WWOX: variants seen among roughly 807,000 people sequenced by gnomAD.
The protein encoded by WWOX is WW domain containing oxidoreductase.
Under a neutral mutation model 46.2 loss-of-function variants are expected in WWOX, and 69 were observed. That is an observed-to-expected ratio of 1.49 (90% confidence interval 1.23 to 1.82). WWOX has a LOEUF of 1.82. WWOX is among the 40% of genes most tolerant of loss of function. WWOX has a pLI of 0.00. For synonymous variants in WWOX, 359 were observed against 202.6 expected, an observed-to-expected ratio of 1.77 and a Z score of -6.56; for missense variants, 919 against 542.6, an observed-to-expected ratio of 1.69 and a Z score of -6.89.
intron 8 of WWOX, among the ~76,000 whole-genome samples, chr16:79,168,452 C>T (rs1248542197): frequency 6.6e-6 from 1 of 152,108 alleles, no homozygotes; most frequent in Non-Finnish European, 1.5e-5. Flanking sequence ...ATAATCAACC[C>T]CCAGGGACTT....
intron 5 of WWOX, among the ~76,000 whole-genome samples, chr16:78,362,069 G>C (rs188195244): frequency 6.7e-6 from 1 of 149,270 alleles, no homozygotes; most frequent in Admixed American, 6.7e-5. Context: ...CTATTTTAAT[G>C]GGGTGATTTT....
chr16:79,112,550 C>A (rs73576947), intron 8 of WWOX, among the ~76,000 whole-genome samples: 1 of 152,120 alleles, frequency 6.6e-6, no homozygotes, highest in Non-Finnish European at 1.5e-5. Flanking sequence ...CCCCGGCAAA[C>A]GGGAGCAAGA....
chr16:78,628,998 G>C (rs1319320287), intron 8 of WWOX, among the ~76,000 whole-genome samples: 1 of 152,112 alleles, frequency 6.6e-6, no homozygotes, highest in African/African-American at 2.4e-5. Flanking sequence ...TTTTATATAA[G>C]TATTCCCTTG....
chr16:78,637,665 G>A (rs1347389851), intron 8 of WWOX, among the ~76,000 whole-genome samples: 1 of 152,176 alleles, frequency 6.6e-6, no homozygotes, highest in Non-Finnish European at 1.5e-5. Context: ...TTTCCTGTAT[G>A]CTCCTTGATG....
At chr16:78,352,896 G>C (rs1386204344) in intron 5 of WWOX, among the ~76,000 whole-genome samples, 1 of 152,142 alleles carries the variant, frequency 6.6e-6, no homozygotes, top group East Asian at 1.9e-4. Context: ...CTGGATAGGA[G>C]TATAGAGAAA....
At chr16:78,741,699 A>G (rs941373117) in intron 8 of WWOX, among the ~76,000 whole-genome samples, 4 of 151,940 alleles carry the variant, frequency 2.6e-5, no homozygotes, top group African/African-American at 9.7e-5. Context: ...TACTAAAAAT[A>G]CAGAAATCAG....
intron 8 of WWOX, among the ~76,000 whole-genome samples, chr16:78,870,428 C>G (rs949272224): frequency 6.6e-6 from 1 of 152,058 alleles, no homozygotes; most frequent in Non-Finnish European, 1.5e-5. Flanking sequence ...CTTGAATGAC[C>G]TGCCATCATG....
intron 8 of WWOX, among the ~76,000 whole-genome samples, chr16:78,941,145 C>T (rs1293221673): frequency 6.6e-6 from 1 of 152,250 alleles, no homozygotes; most frequent in South Asian, 2.1e-4. Context: ...GATTAACAAG[C>T]AGATATACTG....
At chr16:78,937,589 C>T (rs28526561) in intron 8 of WWOX, among the ~76,000 whole-genome samples, 2,946 of 147,856 alleles carry the variant, frequency 0.02, 99 homozygotes, top group African/African-American at 0.069. Context: ...GCCACCGTGC[C>T]CAGCTATAGA....
intron 5 of WWOX, among the ~76,000 whole-genome samples, chr16:78,241,534 G>A (rs1484848287): frequency 6.6e-6 from 1 of 152,126 alleles, no homozygotes; most frequent in Non-Finnish European, 1.5e-5. Context: ...AGCTGGGGAA[G>A]TTCAAGCAAT....
chr16:79,134,610 G>A (rs1335803394), intron 8 of WWOX, among the ~76,000 whole-genome samples: 1 of 152,040 alleles, frequency 6.6e-6, no homozygotes, highest in East Asian at 1.9e-4. Flanking sequence ...GACACATACA[G>A]ACACCCACAC....
intron 8 of WWOX, among the ~76,000 whole-genome samples, chr16:78,922,221 T>A (rs1366444603): frequency 6.6e-6 from 1 of 152,124 alleles, no homozygotes. Flanking sequence ...TAAGCAATAT[T>A]GTTGGTCCTT....
intron 8 of WWOX, among the ~76,000 whole-genome samples, chr16:78,613,444 C>T (rs557825836): frequency 1.3e-5 from 2 of 152,276 alleles, no homozygotes; most frequent in South Asian, 4.1e-4. Flanking sequence ...TGAGGGTCAT[C>T]TGGGAAACCT....
intron 8 of WWOX, among the ~76,000 whole-genome samples, chr16:79,211,180 T>A (rs748645508): frequency 4.6e-5 from 7 of 151,682 alleles, no homozygotes; most frequent in Non-Finnish European, 8.8e-5. Flanking sequence ...CAATTAAGAG[T>A]GGTTGGTTTG....
chr16:78,574,224 T>C (rs917257297), intron 8 of WWOX, among the ~76,000 whole-genome samples: 2 of 152,186 alleles, frequency 1.3e-5, no homozygotes, highest in Non-Finnish European at 2.9e-5. Flanking sequence ...GTCAACAAGA[T>C]GGTGTCTTAC....
chr16:78,120,341 C>T (rs540414826), intron 4 of WWOX, among the ~76,000 whole-genome samples: 267 of 152,142 alleles, frequency 1.8e-3, no homozygotes, highest in Middle Eastern at 3.4e-3. Flanking sequence ...GAGGCCGAGG[C>T]GGGTGGATCA....
chr16:78,523,625 G>T (rs1382004266), intron 8 of WWOX, among the ~76,000 whole-genome samples: 1 of 152,130 alleles, frequency 6.6e-6, no homozygotes, highest in Non-Finnish European at 1.5e-5. Flanking sequence ...CTCCACCTTG[G>T]GTGAAAAAAC....
intron 5 of WWOX, among the ~76,000 whole-genome samples, chr16:78,302,210 C>T (rs928523598): frequency 2.0e-5 from 3 of 152,136 alleles, no homozygotes; most frequent in Non-Finnish European, 4.4e-5. Context: ...ATCTGCCTGC[C>T]TTGGCCTCCC....
At chr16:78,500,451 T>G (rs1345927312) in intron 8 of WWOX, among the ~76,000 whole-genome samples, 1 of 151,888 alleles carries the variant, frequency 6.6e-6, no homozygotes, top group Non-Finnish European at 1.5e-5. Context: ...TTGTTCCGCT[T>G]TTGTTTGTTT....
Sources: gnomAD v4.1 joint callset for allele counts (sites outside exome capture counted in the v4.1 genomes callset) on GRCh38, gnomAD v4.1.1 for gene constraint, MANE v1.5 for transcripts, NCBI Gene and HGNC (gene_info 2026-07-23, HGNC 2026-07-21) for gene names.